PDZD8: variants seen among roughly 807,000 people sequenced by gnomAD.
The protein encoded by PDZD8 is PDZ domain-containing protein 8.
PDZD8 carries 14 observed loss-of-function variants against 85.8 expected under a neutral mutation model. The ratio of observed to expected loss-of-function variants is 0.16; its 90% confidence interval spans 0.11 to 0.26. The LOEUF is 0.26. PDZD8 is among the 10% of genes least tolerant of loss of function. The probability of loss-of-function intolerance (pLI) is 1.00; values close to 1 mark genes in which losing one functional copy is unlikely to be tolerated. For missense variants in PDZD8, 1,197 were observed against 1,424.3 expected (o/e 0.84, Z 2.57); for synonymous variants, 592 against 568.6 (o/e 1.04, Z -0.59).
intron 1 of PDZD8, among the ~76,000 whole-genome samples, chr10:117,372,939 T>C (rs1845218832): frequency 6.6e-6 from 1 of 152,148 alleles, no homozygotes; most frequent in East Asian, 1.9e-4. Context: ...GGTAGAAAAT[T>C]AGTGATCCAG....
At chr10:117,345,198 G>A (rs1844683924) in intron 1 of PDZD8, among the ~76,000 whole-genome samples, 1 of 152,198 alleles carries the variant, frequency 6.6e-6, no homozygotes, top group African/African-American at 2.4e-5. Context: ...CTGTGAAGAA[G>A]CTCAAACCTA....
rs1395872700 is a variant in PDZD8 at position 117,281,695 on chromosome 10, G to T, written c.*1573C>A. 6.6e-6 allele frequency: 1 copy of T among 152,058 alleles called. No individual in the cohort carries two copies. The highest frequency in any genetic ancestry group is 2.4e-5 in the African/African-American group (1 of 41,386). 9.4% of individuals were successfully genotyped at this position (152,058 alleles called of 1,614,324 possible). ...TATTATTATTCCCATTTTAGAGATG[G>T]GTCCTTTTGTAACTGCCTATGCTTA... On this transcript the variant is annotated 3_prime_UTR_variant, in exon 5 of 5. Coordinates refer to ENST00000334464, the MANE Select transcript of PDZD8 (RefSeq NM_173791.5).
chr10:117,353,501 C>G (rs972033684), intron 1 of PDZD8, among the ~76,000 whole-genome samples: 11 of 148,636 alleles, frequency 7.4e-5, no homozygotes, highest in African/African-American at 2.7e-4. Context: ...TTATAAGGAA[C>G]ACTATGAAAG....
intron 3 of PDZD8, among the ~76,000 whole-genome samples, chr10:117,311,643 A>C (rs1207065786): frequency 1.3e-5 from 2 of 152,146 alleles, no homozygotes; most frequent in African/African-American, 2.4e-5. Flanking sequence ...TCCAGAGGAA[A>C]TGATGATTAC....
chr10:117,290,722 G>A (rs948586005), intron 3 of PDZD8, among the ~76,000 whole-genome samples: 2 of 151,824 alleles, frequency 1.3e-5, no homozygotes, highest in Non-Finnish European at 2.9e-5. Context: ...ATTGAGATTT[G>A]TCTCAATAAT....
intron 3 of PDZD8, among the ~76,000 whole-genome samples, chr10:117,301,515 A>C (rs1287477606): frequency 3.9e-5 from 6 of 152,226 alleles, no homozygotes; most frequent in Admixed American, 3.9e-4. Context: ...TTCTATGTAC[A>C]ACATACTTGG....
intron 2 of PDZD8, among the ~76,000 whole-genome samples, chr10:117,330,402 C>G (rs951569800): frequency 2.0e-5 from 3 of 152,142 alleles, no homozygotes; most frequent in African/African-American, 7.2e-5. Flanking sequence ...GAAATGAGTA[C>G]CTCTATTTCC....
intron 2 of PDZD8, among the ~76,000 whole-genome samples, chr10:117,339,049 A>AT (rs560555208): frequency 2.0e-5 from 3 of 150,008 alleles, no homozygotes; most frequent in African/African-American, 7.4e-5. Flanking sequence ...TCTTTTTTTG[A>AT]TTTAAAAAAA....
rs1844594907 is a variant in PDZD8, at chr10:117,283,120, A to C, written c.*148T>G. On this transcript the variant is annotated 3_prime_UTR_variant, in exon 5 of 5. Coordinates refer to ENST00000334464, the MANE Select transcript of PDZD8 (RefSeq NM_173791.5). ...GTAAGCTGGTCATGTTTTTACTGGA[A>C]AACAACCTTTCTCATTTTTGTTCTT... 4 of 763,998 alleles carry C rather than the reference A, an allele frequency of 5.2e-6. No homozygotes were observed. In the East Asian group the frequency reaches 1.1e-4, roughly 21 times the overall value. 47.3% of individuals were successfully genotyped at this position (763,998 alleles called of 1,614,324 possible).
At chr10:117,300,069 C>G (rs1021168032) in intron 3 of PDZD8, among the ~76,000 whole-genome samples, 1 of 152,048 alleles carries the variant, frequency 6.6e-6, no homozygotes, top group African/African-American at 2.4e-5. Flanking sequence ...GAAACCCCCC[C>G]CATGTCAAAT....
chr10:117,325,131 TC>T (rs1314447104), intron 2 of PDZD8, among the ~76,000 whole-genome samples: 1 of 151,860 alleles, frequency 6.6e-6, no homozygotes, highest in Non-Finnish European at 1.5e-5. Context: ...GTCACCCCTC[TC>T]CCCAACTGCC....
Position 117,374,601 on chromosome 10 carries a change from G to A in PDZD8, c.627C>T (p.Asp209=), listed in dbSNP as rs1299777596. The part of the protein sequence containing the change: ...NGGFHLAIDV[D]LVFGKSAYLF... The stretch of plus-strand genomic sequence containing the variant: ...AGTAGGCGGACTTGCCGAAGACCAG[G>A]TCCACGTCGATGGCCAGGTGGAAGC... Residue 209 remains aspartate, a synonymous_variant, in exon 1 of 5, where the codon GAC becomes GAT. Transcript: ENST00000334464. The surrounding 1 kb of genome is among the most constrained non-coding windows in gnomAD (Gnocchi z 7.8). 6.3e-7 allele frequency: 1 copy of A among 1,589,928 alleles called. No individual in the cohort carries two copies. Among genetic ancestry groups the A allele is most frequent in the Non-Finnish European group, 8.6e-7 (1 of 1,167,728 alleles).
At chr10:117,312,470 C>T (rs1844055401) in intron 3 of PDZD8, among the ~76,000 whole-genome samples, 1 of 152,102 alleles carries the variant, frequency 6.6e-6, no homozygotes, top group Non-Finnish European at 1.5e-5. Flanking sequence ...TAAACTGCAA[C>T]AAGCCAGAAA....
rs140107315 is a variant in PDZD8, at chr10:117,304,989, G to T, written c.1098+13883C>A. On this transcript the variant is annotated intron_variant, in intron 3 of 4. Transcript: ENST00000334464. ...CTCAAATCTTACAGTCAGCCCTGTG[G>T]AACTTTTAGATACAAAAAGTCATCC... 1.0e-2 allele frequency among the ~76,000 whole-genome samples: 1,515 copies of T among 152,206 alleles called. 21 individuals are homozygous for T. Among genetic ancestry groups the T allele is most frequent in the African/African-American group, 0.034 (1,398 of 41,532 alleles).
intron 1 of PDZD8, among the ~76,000 whole-genome samples, chr10:117,346,316 T>TA (rs990088944): frequency 1.3e-4 from 20 of 150,576 alleles, no homozygotes; most frequent in African/African-American, 4.4e-4. Context: ...ACAGGAATTG[T>TA]AAAAAAAGAA....
At chr10:117,295,159 A>G (rs373335374) in intron 3 of PDZD8, among the ~76,000 whole-genome samples, 3 of 152,150 alleles carry the variant, frequency 2.0e-5, no homozygotes, top group South Asian at 4.1e-4. Context: ...AACAAAAAAA[A>G]CCCACCACCA....
chr10:117,289,396 C>T (rs1844718735), intron 4 of PDZD8, among the ~76,000 whole-genome samples: 1 of 152,166 alleles, frequency 6.6e-6, no homozygotes, highest in Admixed American at 6.5e-5. Context: ...AAGAAAATAT[C>T]ACATTGCCCT....
intron 1 of PDZD8, among the ~76,000 whole-genome samples, chr10:117,360,451 AG>A (rs1291661049): frequency 6.6e-6 from 1 of 152,112 alleles, no homozygotes; most frequent in Non-Finnish European, 1.5e-5. Flanking sequence ...CTTCTCTACC[AG>A]CCCCCCAACA....
At chr10:117,293,238 G>A (rs2532813) in intron 3 of PDZD8, among the ~76,000 whole-genome samples, 116,726 of 151,864 alleles carry the variant, frequency 0.77, 45,507 homozygotes, top group Non-Finnish European at 0.85. Flanking sequence ...ATAGTACAAT[G>A]ATATATAATA....
Sources: allele counts gnomAD v4.1 joint callset (sites outside exome capture counted in the v4.1 genomes callset), GRCh38; gene constraint gnomAD v4.1.1; non-coding constraint Gnocchi (gnomAD v3.1); transcripts MANE v1.5; gene names NCBI Gene and HGNC (gene_info 2026-07-23, HGNC 2026-07-21).